CPA6: variants seen among roughly 807,000 people sequenced by gnomAD.
CPA6 encodes carboxypeptidase A6.
A neutral mutation model predicts 63.3 loss-of-function variants in CPA6; 58 were observed. The ratio of observed to expected loss-of-function variants is 0.92; its 90% confidence interval spans 0.74 to 1.14. The LOEUF is 1.14. CPA6 is among the 50% of genes most tolerant of loss of function. The pLI is 0.00. For missense variants in CPA6, 565 were observed against 526.6 expected, an observed-to-expected ratio of 1.07 and a Z score of -0.71; for synonymous variants, 185 against 179.0, an observed-to-expected ratio of 1.03 and a Z score of -0.27.
intron 8 of CPA6, among the ~76,000 whole-genome samples, chr8:67,458,161 TAGC>T (rs1810718942): frequency 6.6e-6 from 1 of 152,100 alleles, no homozygotes; most frequent in Admixed American, 6.5e-5. Context: ...GAAAATAACA[TAGC>T]AGAAAATCTA....
At chr8:67,473,891 G>C (rs1811117956) in intron 8 of CPA6, among the ~76,000 whole-genome samples, 1 of 151,964 alleles carries the variant, frequency 6.6e-6, no homozygotes, top group African/African-American at 2.4e-5. Flanking sequence ...ACGGGCTTGA[G>C]CCACCATGAC....
intron 2 of CPA6, among the ~76,000 whole-genome samples, chr8:67,560,406 T>C (rs1024417826): frequency 2.0e-5 from 3 of 152,076 alleles, no homozygotes; most frequent in Non-Finnish European, 4.4e-5. Context: ...AAGGAAGAAA[T>C]ACAAAGCTTT....
rs1809835941 is a variant in CPA6, at chr8:67,424,289, A to G, written c.1127-1598T>C. ...GAATGTAATGCATTTGAATCATCCT[A>G]AAACCATTCCTCCCCCACCCCACCC... On this transcript the variant is annotated intron_variant, in intron 10 of 10. Transcript: ENST00000297770. 2.6e-5 allele frequency among the ~76,000 whole-genome samples: 4 copies of G among 152,294 alleles called. No individual in the cohort carries two copies. The South Asian group carries it at 8.3e-4, about 32-fold the overall frequency.
intron 1 of CPA6, among the ~76,000 whole-genome samples, chr8:67,704,553 G>C (rs1817092414): frequency 6.6e-6 from 1 of 152,208 alleles, no homozygotes; most frequent in Non-Finnish European, 1.5e-5. Flanking sequence ...TCCAAGGACA[G>C]ATTACCATTA....
intron 8 of CPA6, among the ~76,000 whole-genome samples, chr8:67,474,588 A>G (rs1811132996): frequency 6.6e-6 from 1 of 152,276 alleles, no homozygotes; most frequent in East Asian, 1.9e-4. Flanking sequence ...ATGGATGGAG[A>G]GTGCCTATGC....
chr8:67,552,693 A>G (rs937891004), intron 2 of CPA6, among the ~76,000 whole-genome samples: 2 of 146,018 alleles, frequency 1.4e-5, no homozygotes, highest in East Asian at 4.3e-4. Context: ...GAATGGCATG[A>G]ACCCGGGAGG....
rs188231062 is a variant in CPA6 at position 67,605,794 on chromosome 8, T to A, written c.192+18382A>T. Among the ~76,000 whole-genome samples the A allele has an allele frequency of 3.1e-4, 47 of 152,256 alleles. 1 individual carries two copies. The highest frequency in any genetic ancestry group is 5.3e-4 in the Non-Finnish European group (36 of 68,016). On this transcript the variant is annotated intron_variant, in intron 2 of 10. Coordinates refer to ENST00000297770, the MANE Select transcript of CPA6 (RefSeq NM_020361.5). ...TTCTGAGGCAAATATTCCTTGCTGG[T>A]GAATGATTTTGCACCATGTGGTGAT...
chr8:67,475,246 G>A (rs1456178731), intron 8 of CPA6, among the ~76,000 whole-genome samples: 1 of 152,190 alleles, frequency 6.6e-6, no homozygotes, highest in Non-Finnish European at 1.5e-5. Context: ...AGAATCAAGT[G>A]CAGATAAGAT....
In CPA6 at chr8:67,632,275, A is replaced by G. The variant is rs905543911; in HGVS notation, c.117-8024T>C. On this transcript the variant is annotated intron_variant, in intron 1 of 10. Coordinates refer to ENST00000297770, the MANE Select transcript of CPA6 (RefSeq NM_020361.5). Reference sequence around the variant, plus strand: ...AACCTCGAACTTGTGAGCTCAAGTGATCCTCCTACCTCAGCCTTCCAAGTA... The same window carrying G: ...AACCTCGAACTTGTGAGCTCAAGTGGTCCTCCTACCTCAGCCTTCCAAGTA... 1.4e-4 allele frequency among the ~76,000 whole-genome samples: 21 copies of G among 151,672 alleles called. 1 individual carries two copies. Among genetic ancestry groups the G allele is most frequent in the Middle Eastern group, 3.4e-3 (1 of 294 alleles).
At chr8:67,507,405 G>A (rs1243779972) in intron 5 of CPA6, among the ~76,000 whole-genome samples, 5 of 151,692 alleles carry the variant, frequency 3.3e-5, no homozygotes, top group East Asian at 1.9e-4. Flanking sequence ...ATTATACCAC[G>A]AAATGAAAAC....
At chr8:67,454,235 T>C (rs1386019818) in intron 8 of CPA6, among the ~76,000 whole-genome samples, 2 of 152,234 alleles carry the variant, frequency 1.3e-5, no homozygotes, top group Non-Finnish European at 2.9e-5. Flanking sequence ...TCTATCTTTA[T>C]TTATAGCCTT....
intron 1 of CPA6, among the ~76,000 whole-genome samples, chr8:67,724,915 A>G (rs1587730763): frequency 6.6e-6 from 1 of 152,126 alleles, no homozygotes; most frequent in South Asian, 2.1e-4. Context: ...TCATCCCCCA[A>G]TTTTTGGTTA....
intron 1 of CPA6, among the ~76,000 whole-genome samples, chr8:67,673,994 C>T (rs565308304): frequency 1.2e-4 from 18 of 152,256 alleles, no homozygotes; most frequent in African/African-American, 4.3e-4. Context: ...ATTTATTGAA[C>T]ATTTACTATA....
chr8:67,446,033 G>A (rs1303341470), intron 8 of CPA6, among the ~76,000 whole-genome samples: 1 of 152,186 alleles, frequency 6.6e-6, no homozygotes, highest in African/African-American at 2.4e-5. Context: ...GGGAGGCCGG[G>A]GCGGGCGGAT....
At chr8:67,522,891 C>A (rs1812288605) in intron 2 of CPA6, among the ~76,000 whole-genome samples, 1 of 152,206 alleles carries the variant, frequency 6.6e-6, no homozygotes, top group Non-Finnish European at 1.5e-5. Flanking sequence ...GTGGAGTGGG[C>A]CTGGCGGCCT....
intron 2 of CPA6, among the ~76,000 whole-genome samples, chr8:67,595,974 G>A (rs1038497441): frequency 3.9e-5 from 6 of 152,208 alleles, no homozygotes; most frequent in Admixed American, 1.3e-4. Flanking sequence ...CGTCTTCTGC[G>A]TCGCTCACGC....
intron 1 of CPA6, among the ~76,000 whole-genome samples, chr8:67,708,082 A>C (rs946755066): frequency 1.3e-5 from 2 of 152,218 alleles, no homozygotes; most frequent in African/African-American, 4.8e-5. Flanking sequence ...TTGGGACCTC[A>C]TGAGGAGAGG....
chr8:67,724,178 C>A (rs948839218), intron 1 of CPA6, among the ~76,000 whole-genome samples: 1 of 152,184 alleles, frequency 6.6e-6, no homozygotes, highest in Non-Finnish European at 1.5e-5. Flanking sequence ...AAATGTAGAA[C>A]CTGTGCTTGT....
rs761057068 is a variant in CPA6 at position 67,546,344 on chromosome 8, C to T, written c.193-28297G>A. Among the ~76,000 whole-genome samples, 81 of 152,212 alleles carry T rather than the reference C, an allele frequency of 5.3e-4. 2 individuals are homozygous for T. Among genetic ancestry groups the T allele is most frequent in the South Asian group, 2.1e-4 (1 of 4,814 alleles). On this transcript the variant is annotated intron_variant, in intron 2 of 10. Coordinates refer to ENST00000297770, the MANE Select transcript of CPA6 (RefSeq NM_020361.5). ...GTTTATTAAGCTTTCTCAGTCTGGC[C>T]GAGTGACTAGGATAGCATGTGCTCA...
Sources: gnomAD v4.1 joint callset for allele counts (sites outside exome capture counted in the v4.1 genomes callset) on GRCh38, gnomAD v4.1.1 for gene constraint, MANE v1.5 for transcripts, NCBI Gene and HGNC (gene_info 2026-07-23, HGNC 2026-07-21) for gene names.